The following SLC38A1 variants were observed in gnomAD, a reference collection of about 807,000 sequenced individuals.
SLC38A1 encodes the protein solute carrier family 38 member 1, also known as sodium-coupled neutral amino acid symporter 1.
In SLC38A1, 18 loss-of-function variants were observed where a neutral mutation model predicts 60.3. The ratio of observed to expected loss-of-function variants is 0.30; its 90% CI spans 0.21 to 0.44. The LOEUF (loss-of-function observed/expected upper bound fraction) is 0.44, where lower values mean the gene tolerates loss of function less well. Ranked by LOEUF, SLC38A1 falls within the 20% of genes least tolerant of loss-of-function variation. The probability of loss-of-function intolerance (pLI) is 1.00; values close to 1 mark genes in which losing one functional copy is unlikely to be tolerated. For missense variants in SLC38A1, 448 were observed against 587.2 expected (o/e 0.76, Z 2.45); for synonymous variants, 196 against 212.1 (o/e 0.92, Z 0.66).
intron 1 of SLC38A1, among the ~76,000 whole-genome samples, chr12:46,256,165 C>CAAAA (rs61078872): frequency 1.4e-5 from 1 of 69,290 alleles, no homozygotes; most frequent in Non-Finnish European, 3.3e-5. Flanking sequence ...GGTTCTATCT[C>CAAAA]AAAAAAAAAA....
chr12:46,197,686 T>C, intron 16 of SLC38A1, 34 bp downstream of exon 16: 3 of 1,321,840 alleles, frequency 2.3e-6, no homozygotes, highest in Non-Finnish European at 3.2e-6. Flanking sequence ...GGAAAACTAA[T>C]CAGAAAAGTT....
intron 5 of SLC38A1, among the ~76,000 whole-genome samples, chr12:46,215,412 A>G (rs941541889): frequency 5.9e-5 from 9 of 152,042 alleles, no homozygotes; most frequent in Non-Finnish European, 1.2e-4. Context: ...TTCCTCAAGC[A>G]TTACTTTTTT....
intron 1 of SLC38A1, among the ~76,000 whole-genome samples, chr12:46,256,113 T>C (rs1942011689): frequency 7.1e-6 from 1 of 140,938 alleles, no homozygotes; most frequent in Non-Finnish European, 1.5e-5. Context: ...TTACAGTGAA[T>C]CGAGATCACG....
Position 46,197,652 on chromosome 12 carries a change from A to G in SLC38A1, c.1362+68T>C. 3.0e-6 allele frequency: 3 copies of G among 1,002,112 alleles called. No individual in the cohort carries two copies. In the South Asian group the frequency reaches 4.2e-5, roughly 14 times the overall value. The allele number at this position is 1,002,112 out of a possible 1,614,324, so 62.1% of individuals were successfully genotyped here. ...GAAAGTAGTCTTGATAGAGAGGTGGACTATTTATTTTGTAAATTTAAATGG... is the reference window on the plus strand; with the variant it reads ...GAAAGTAGTCTTGATAGAGAGGTGGGCTATTTATTTTGTAAATTTAAATGG... On this transcript the variant is annotated intron_variant, in intron 16 of 16. Coordinates refer to ENST00000398637, the MANE Select transcript of SLC38A1 (RefSeq NM_030674.4).
chr12:46,259,602 A>G (rs2138954883), intron 1 of SLC38A1, among the ~76,000 whole-genome samples: 1 of 152,336 alleles, frequency 6.6e-6, no homozygotes. Context: ...AAATCTTTGA[A>G]AATCTGGGGC....
chr12:46,263,428 T>C (rs1188060201), intron 1 of SLC38A1, among the ~76,000 whole-genome samples: 3 of 151,572 alleles, frequency 2.0e-5, no homozygotes, highest in Non-Finnish European at 2.9e-5. Context: ...AAATTCTAAG[T>C]GAAATTCTGA....
chr12:46,239,375 A>C (rs905112197), intron 3 of SLC38A1: 3 of 165,916 alleles, frequency 1.8e-5, no homozygotes, highest in African/African-American at 4.9e-5. Flanking sequence ...TCCAGGCTGT[A>C]GTGCAGTGGC....
At chr12:46,226,409 A>G (rs1002725438) in intron 5 of SLC38A1, among the ~76,000 whole-genome samples, 7 of 152,112 alleles carry the variant, frequency 4.6e-5, no homozygotes, top group African/African-American at 1.7e-4. Context: ...GCTCCTATAA[A>G]TATAGTAACA....
chr12:46,238,610 C>T (rs1362477660), intron 3 of SLC38A1, among the ~76,000 whole-genome samples: 5 of 152,336 alleles, frequency 3.3e-5, no homozygotes, highest in Admixed American at 3.3e-4. Flanking sequence ...AAGCTGGAGG[C>T]TTCCTGCTAA....
intron 5 of SLC38A1, among the ~76,000 whole-genome samples, chr12:46,210,135 C>G (rs1940091327): frequency 6.6e-6 from 1 of 152,182 alleles, no homozygotes; most frequent in Non-Finnish European, 1.5e-5. Context: ...TGGCCCTTCC[C>G]CCTCCCAGCA....
At chr12:46,260,738 C>T (rs1483714635) in intron 1 of SLC38A1, among the ~76,000 whole-genome samples, 4 of 152,130 alleles carry the variant, frequency 2.6e-5, no homozygotes, top group African/African-American at 9.7e-5. Context: ...TTCATACAAC[C>T]TCATATCTAA....
chr12:46,210,043 A>G (rs1171701170), intron 5 of SLC38A1, among the ~76,000 whole-genome samples: 1 of 152,238 alleles, frequency 6.6e-6, no homozygotes, highest in African/African-American at 2.4e-5. Context: ...TTGAGTCATG[A>G]AAGGCAATTA....
chr12:46,240,514 A>G (rs1157043308), intron 2 of SLC38A1, among the ~76,000 whole-genome samples: 3 of 152,210 alleles, frequency 2.0e-5, no homozygotes, highest in Admixed American at 6.5e-5. Flanking sequence ...TGCTTTTAAA[A>G]TGAAAGTGAT....
chr12:46,216,966 T>G lies in SLC38A1; in HGVS notation c.315-7839A>C, dbSNP rs200421164. On this transcript the variant is annotated intron_variant, in intron 5 of 16. Coordinates refer to ENST00000398637, the MANE Select transcript of SLC38A1 (RefSeq NM_030674.4). ...CTGAGTCCCTAAATTCATATGAAAA[T>G]GTTAAATATTTTGAAAAATTCAAAA... 2.9e-4 allele frequency among the ~76,000 whole-genome samples: 44 copies of G among 152,162 alleles called. 1 individual carries two copies. In the East Asian group the frequency reaches 7.7e-3, roughly 27 times the overall value.
intron 1 of SLC38A1, among the ~76,000 whole-genome samples, chr12:46,264,646 T>A (rs913813529): frequency 6.6e-6 from 1 of 152,204 alleles, no homozygotes; most frequent in Admixed American, 6.5e-5. Context: ...TTTTGGGGTA[T>A]CAGTGATTTT....
intron 5 of SLC38A1, among the ~76,000 whole-genome samples, chr12:46,223,381 C>A (rs1055810309): frequency 1.3e-5 from 2 of 151,978 alleles, no homozygotes; most frequent in Admixed American, 1.3e-4. Context: ...AGTATTTTAA[C>A]AAATATCTAC....
intron 1 of SLC38A1, among the ~76,000 whole-genome samples, chr12:46,257,241 T>A (rs1277845922): frequency 6.6e-6 from 1 of 152,172 alleles, no homozygotes; most frequent in Non-Finnish European, 1.5e-5. Flanking sequence ...GCCAGGCAGA[T>A]TAATCCAAAG....
Position 46,198,641 on chromosome 12 carries a change from G to A in SLC38A1, c.1106C>T (p.Pro369Leu). The A allele has an allele frequency of 1.2e-6, 2 of 1,609,210 alleles. No individual in the cohort carries two copies. Among genetic ancestry groups the A allele is most frequent in the Non-Finnish European group, 1.7e-6 (2 of 1,177,456 alleles). The change falls in exon 14 of 17, where the codon CCG becomes CTG. Residue 369 changes from proline (P) to leucine (L), a missense_variant. By Grantham distance (98) the Pro-to-Leu change is moderately conservative. Around this residue, in one of 2 missense-constraint regions of SLC38A1, gnomAD observed 346 missense variants for 497.5 expected, o/e 0.70. Transcript: ENST00000398637. ...AVIVAVILTVPVLFFTVRSSL... is the reference protein window; with the variant it reads ...AVIVAVILTVLVLFFTVRSSL... ...CTTACTCACCGTGAAAAATAACACCGGCACTGTGAGGATCACAGCAACAAT... is the reference window on the plus strand; with the variant it reads ...CTTACTCACCGTGAAAAATAACACCAGCACTGTGAGGATCACAGCAACAAT...
intron 16 of SLC38A1, among the ~76,000 whole-genome samples, chr12:46,190,238 T>C: frequency 6.6e-6 from 1 of 152,186 alleles, no homozygotes; most frequent in Admixed American, 6.5e-5. Context: ...GTTTCTAGCT[T>C]CATCCATGTC....
Sources: gnomAD v4.1 joint callset for allele counts (sites outside exome capture counted in the v4.1 genomes callset) on GRCh38, gnomAD v4.1.1 for gene constraint, gnomAD v4.1.1 regional missense constraint, MANE v1.5 for transcripts, NCBI Gene and HGNC (gene_info 2026-07-23, HGNC 2026-07-21) for gene names.